The following PDE4B variants were observed in gnomAD, a reference collection of about 807,000 sequenced individuals.
PDE4B encodes the protein 3',5'-cyclic-AMP phosphodiesterase 4B.
Under a neutral mutation model 82.2 loss-of-function variants are expected in PDE4B, and 20 were observed. That is an observed-to-expected ratio of 0.24 (90% CI 0.17 to 0.35). PDE4B has a LOEUF of 0.35. Ranked by LOEUF, PDE4B falls within the 10% of genes least tolerant of loss-of-function variation. The probability of loss-of-function intolerance (pLI) is 1.00; values close to 1 mark genes in which losing one functional copy is unlikely to be tolerated. For synonymous variants in PDE4B, 320 were observed against 318.9 expected (o/e 1.00, Z -0.04); for missense variants, 655 against 907.2 (o/e 0.72, Z 3.57).
intron 3 of PDE4B, among the ~76,000 whole-genome samples, chr1:66,185,353 C>T (rs188225110): frequency 6.6e-6 from 1 of 152,188 alleles, no homozygotes; most frequent in African/African-American, 2.4e-5. Context: ...CGGGTATATA[C>T]CCAGTAATGG....
chr1:66,356,983 G>A (rs1413135611), intron 9 of PDE4B, among the ~76,000 whole-genome samples: 1 of 151,688 alleles, frequency 6.6e-6, no homozygotes, highest in African/African-American at 2.4e-5. Flanking sequence ...TTATCCATTT[G>A]AAGACAGGGA....
At chr1:66,202,858 A>G (rs1484244843) in intron 3 of PDE4B, among the ~76,000 whole-genome samples, 8 of 151,786 alleles carry the variant, frequency 5.3e-5, no homozygotes, top group East Asian at 1.9e-4. Flanking sequence ...TTTAAAGTTA[A>G]TATTGTTATG....
Position 65,885,596 on chromosome 1 carries a change from C to T in PDE4B, c.-70-27649C>T, listed in dbSNP as rs1472028450. On this transcript the variant is annotated intron_variant, in intron 1 of 16. Coordinates refer to ENST00000341517, the MANE Select transcript of PDE4B (RefSeq NM_002600.4). ...TGAAGCCGGAAACGATCATTCTCAG[C>T]AAACTATCACAAGAACAAAAAACCA... Among the ~76,000 whole-genome samples the T allele has an allele frequency of 1.4e-4, 21 of 151,968 alleles. No individual in the cohort carries two copies. In the East Asian group the frequency reaches 2.7e-3, roughly 20 times the overall value.
At chr1:65,919,735 G>A (rs1015835359) in intron 3 of PDE4B, among the ~76,000 whole-genome samples, 17 of 146,320 alleles carry the variant, frequency 1.2e-4, no homozygotes, top group African/African-American at 3.7e-4. Flanking sequence ...TATTTTTATG[G>A]TGTACCATGT....
At chr1:65,914,191 G>T (rs1052077112) in intron 2 of PDE4B, among the ~76,000 whole-genome samples, 4 of 152,166 alleles carry the variant, frequency 2.6e-5, no homozygotes, top group African/African-American at 9.7e-5. Flanking sequence ...AATCCATCTT[G>T]TTAAGCTCCT....
At chr1:65,883,264 A>G (rs1256104366) in intron 1 of PDE4B, among the ~76,000 whole-genome samples, 1 of 152,108 alleles carries the variant, frequency 6.6e-6, no homozygotes, top group African/African-American at 2.4e-5. Context: ...CCATTTTCAC[A>G]ATATTGATTC....
At chr1:66,001,065 G>T (rs186720205) in intron 3 of PDE4B, among the ~76,000 whole-genome samples, 1 of 152,232 alleles carries the variant, frequency 6.6e-6, no homozygotes, top group East Asian at 1.9e-4. Context: ...AGGGAGAAAA[G>T]AAATCTGTTT....
At chr1:66,218,228 G>A (rs1388929604) in intron 3 of PDE4B, among the ~76,000 whole-genome samples, 1 of 152,072 alleles carries the variant, frequency 6.6e-6, no homozygotes, top group Non-Finnish European at 1.5e-5. Flanking sequence ...AGGAAGCTAG[G>A]TTACTCCTAA....
rs563330399 is a variant in PDE4B, at chr1:66,083,198, C to T, written c.282-164262C>T. 2.3e-4 allele frequency among the ~76,000 whole-genome samples: 35 copies of T among 152,212 alleles called. No individual in the cohort carries two copies. In the South Asian group the frequency reaches 7.1e-3, roughly 31 times the overall value. On this transcript the variant is annotated intron_variant, in intron 3 of 16. Coordinates refer to ENST00000341517, the MANE Select transcript of PDE4B (RefSeq NM_002600.4). ...AATCTTCTTTAAACAATGCTTTCAT[C>T]ATGTCACTGCCCTGTTCAGTAACTT...
chr1:66,125,166 T>A (rs1172079082), intron 3 of PDE4B, among the ~76,000 whole-genome samples: 2 of 78 alleles, frequency 0.026, no homozygotes, highest in African/African-American at 0.04. Flanking sequence ...ATACTATTCC[T>A]TTTTTTTTTT....
In PDE4B at chr1:66,373,396, A is replaced by G. The variant is rs1180079955; in HGVS notation, c.*718A>G. On this transcript the variant is annotated 3_prime_UTR_variant, in exon 17 of 17. Transcript: ENST00000341517. ...ACAGTACTTTTAACTTTTTGCTGTA[A>G]ACAGAATAAAATTGAACAAATTAGG... 6.6e-6 allele frequency: 1 copy of G among 152,642 alleles called. No homozygotes were observed. Among genetic ancestry groups the G allele is most frequent in the Non-Finnish European group, 1.5e-5 (1 of 68,134 alleles). The allele number at this position is 152,642 out of a possible 1,614,324, so 9.5% of individuals were successfully genotyped here.
chr1:66,118,769 G>A (rs1645649319), intron 3 of PDE4B, among the ~76,000 whole-genome samples: 3 of 151,892 alleles, frequency 2.0e-5, no homozygotes, highest in African/African-American at 7.3e-5. Context: ...AGAGTTGATA[G>A]CATTTAATAA....
In PDE4B at chr1:66,033,610, A is replaced by G. The variant is rs569318733; in HGVS notation, c.281+114775A>G. On this transcript the variant is annotated intron_variant, in intron 3 of 16. Coordinates refer to ENST00000341517, the MANE Select transcript of PDE4B (RefSeq NM_002600.4). ...ACACTTTAATTTTACTTAGAATCTT[A>G]CTTGGAATGTGTTAGTAGCCAGATA... Among the ~76,000 whole-genome samples, 49 of 152,086 alleles carry G rather than the reference A, an allele frequency of 3.2e-4. 1 individual carries two copies. Among genetic ancestry groups the G allele is most frequent in the Admixed American group, 1.8e-3 (28 of 15,274 alleles).
intron 4 of PDE4B, among the ~76,000 whole-genome samples, chr1:66,254,135 C>T (rs1654004976): frequency 2.6e-5 from 4 of 152,156 alleles, no homozygotes; most frequent in South Asian, 4.1e-4. Flanking sequence ...AATCTAAATC[C>T]GTTATCTTGT....
chr1:65,819,847 A>T (rs1462234015), intron 1 of PDE4B, among the ~76,000 whole-genome samples: 3 of 152,152 alleles, frequency 2.0e-5, no homozygotes, highest in Non-Finnish European at 4.4e-5. Context: ...AGTTGCTGTG[A>T]CTGTAAAAGA....
chr1:65,815,768 C>G (rs1645875841), intron 1 of PDE4B, among the ~76,000 whole-genome samples: 1 of 152,082 alleles, frequency 6.6e-6, no homozygotes, highest in South Asian at 2.1e-4. Flanking sequence ...ACTTATCAGT[C>G]AATAATAACA....
chr1:66,212,578 T>A (rs946319056), intron 3 of PDE4B, among the ~76,000 whole-genome samples: 1 of 152,172 alleles, frequency 6.6e-6, no homozygotes, highest in Non-Finnish European at 1.5e-5. Context: ...CTTTCTAATA[T>A]ACTATATAAT....
At chr1:66,147,101 G>C (rs1018053712) in intron 3 of PDE4B, among the ~76,000 whole-genome samples, 1 of 152,192 alleles carries the variant, frequency 6.6e-6, no homozygotes, top group African/African-American at 2.4e-5. Flanking sequence ...GCAGTGAGGA[G>C]CAATTCATGT....
chr1:66,173,945 C>G (rs1646884892), intron 3 of PDE4B, among the ~76,000 whole-genome samples: 1 of 152,132 alleles, frequency 6.6e-6, no homozygotes, highest in Non-Finnish European at 1.5e-5. Flanking sequence ...TGTCACCACA[C>G]CTGGCTAATT....
Sources: gnomAD v4.1 joint callset for allele counts (sites outside exome capture counted in the v4.1 genomes callset) on GRCh38, gnomAD v4.1.1 for gene constraint, MANE v1.5 for transcripts, NCBI Gene and HGNC (gene_info 2026-07-23, HGNC 2026-07-21) for gene names.